SBF2: variants seen among roughly 807,000 people sequenced by gnomAD.
SBF2 encodes the protein SET binding factor 2, also known as myotubularin-related protein 13.
Under a neutral mutation model 225.2 loss-of-function variants are expected in SBF2, and 112 were observed. The ratio of observed to expected loss-of-function variants is 0.50; its 90% CI spans 0.43 to 0.58. The LOEUF (loss-of-function observed/expected upper bound fraction) is 0.58. Ranked by LOEUF, SBF2 falls within the 20% of genes least tolerant of loss-of-function variation. The pLI is 0.00. For missense variants in SBF2, 1,996 were observed against 2,206.2 expected (o/e 0.90, Z 1.91); for synonymous variants, 763 against 773.3 (o/e 0.99, Z 0.22).
intron 39 of SBF2, 126 bp downstream of exon 39, chr11:9,781,381 C>A: frequency 7.9e-7 from 1 of 1,263,254 alleles, no homozygotes; most frequent in Non-Finnish European, 1.1e-6. Context: ...GAACAATTCC[C>A]ATAGCCAAGG....
At chr11:10,082,342 A>T (rs2134871761) in intron 2 of SBF2, among the ~76,000 whole-genome samples, 1 of 152,202 alleles carries the variant, frequency 6.6e-6, no homozygotes, top group East Asian at 1.9e-4. Flanking sequence ...TGTTCAAAAA[A>T]TTAATGTGGA....
At chr11:9,902,951 T>C (rs1399353523) in intron 16 of SBF2, among the ~76,000 whole-genome samples, 2 of 93,194 alleles carry the variant, frequency 2.1e-5, no homozygotes, top group Non-Finnish European at 2.2e-5. Context: ...AATGGAATAA[T>C]AGGAAAATAA....
At chr11:9,897,053 G>A (rs1207963512) in intron 16 of SBF2, among the ~76,000 whole-genome samples, 1 of 152,106 alleles carries the variant, frequency 6.6e-6, no homozygotes, top group Non-Finnish European at 1.5e-5. Flanking sequence ...ACTCAAACAG[G>A]TTTTTGTATA....
intron 12 of SBF2, among the ~76,000 whole-genome samples, chr11:9,991,262 A>T (rs1423120545): frequency 6.6e-6 from 1 of 152,226 alleles, no homozygotes; most frequent in Non-Finnish European, 1.5e-5. Flanking sequence ...ATGTTTCCTA[A>T]ATCTTCATAT....
chr11:9,989,705 T>C, intron 12 of SBF2, 110 bp from the exon 13 acceptor site: 1 of 678,268 alleles, frequency 1.5e-6, no homozygotes, highest in Non-Finnish European at 2.5e-6. Flanking sequence ...ATATACATTA[T>C]TTTTAAAACA....
intron 17 of SBF2, among the ~76,000 whole-genome samples, chr11:9,874,696 C>G (rs7943244): frequency 0.62 from 94,373 of 152,028 alleles, 29,559 homozygotes; most frequent in African/African-American, 0.68. Flanking sequence ...CACTGAGGTA[C>G]TGCCTACACA....
chr11:10,178,877 A>C (rs1164567098), intron 2 of SBF2, among the ~76,000 whole-genome samples: 12 of 148,966 alleles, frequency 8.1e-5, no homozygotes, highest in Admixed American at 4.1e-4. Flanking sequence ...TCATGCTGCT[A>C]TAAAGACACA....
chr11:10,281,535 C>T (rs1048967824), intron 1 of SBF2, among the ~76,000 whole-genome samples: 1 of 152,118 alleles, frequency 6.6e-6, no homozygotes, highest in Non-Finnish European at 1.5e-5. Flanking sequence ...AGAAGAATCG[C>T]CATGGAGGAG....
rs1400339832 is a variant in SBF2 at position 10,042,995 on chromosome 11, A to C, written c.142-14T>G. 2 of 1,593,886 alleles carry C rather than the reference A, an allele frequency of 1.3e-6. No homozygotes were observed. The highest frequency in any genetic ancestry group is 2.7e-5 in the African/African-American group (2 of 73,430). ...AGGCTGACAAAACTAAATGAAATAG[A>C]AAAAAAAATGTAACATTTAAAAACA... On this transcript the variant is annotated splice_polypyrimidine_tract_variant and intron_variant, in intron 2 of 39. Transcript: ENST00000256190.
At chr11:10,085,396 T>C (rs764889209) in intron 2 of SBF2, among the ~76,000 whole-genome samples, 2 of 152,164 alleles carry the variant, frequency 1.3e-5, no homozygotes, top group Non-Finnish European at 2.9e-5. Flanking sequence ...ATCAGGACTA[T>C]CCGGAATTTT....
chr11:10,121,921 A>G (rs576645163), intron 2 of SBF2, among the ~76,000 whole-genome samples: 1 of 152,222 alleles, frequency 6.6e-6, no homozygotes, highest in African/African-American at 2.4e-5. Flanking sequence ...CCCACCTGTT[A>G]CTCACTTAGT....
chr11:10,271,793 AG>A (rs1746753302), intron 1 of SBF2, among the ~76,000 whole-genome samples: 1 of 111,878 alleles, frequency 8.9e-6, no homozygotes, highest in Non-Finnish European at 2.1e-5. Context: ...TTTGGTGGTA[AG>A]GTTTTTGTTT....
intron 12 of SBF2, among the ~76,000 whole-genome samples, chr11:9,991,355 C>T (rs1043801108): frequency 7.9e-5 from 12 of 152,244 alleles, no homozygotes; most frequent in Non-Finnish European, 1.6e-4. Context: ...TTTAAAAATT[C>T]TTACCTGTGA....
intron 2 of SBF2, among the ~76,000 whole-genome samples, chr11:10,048,226 A>G (rs16907433): frequency 0.025 from 3,744 of 152,102 alleles, 160 homozygotes; most frequent in African/African-American, 0.085. Context: ...TCTCTCAACA[A>G]CCCATCTATA....
At chr11:9,859,338 A>G (rs1857545361) in intron 17 of SBF2, among the ~76,000 whole-genome samples, 1 of 152,198 alleles carries the variant, frequency 6.6e-6, no homozygotes, top group African/African-American at 2.4e-5. Context: ...CTCTGAAAAA[A>G]ACTTGTATAA....
chr11:9,967,992 A>T (rs35736532), intron 14 of SBF2, among the ~76,000 whole-genome samples: 18,752 of 127,682 alleles, frequency 0.15, 2,055 homozygotes, highest in Non-Finnish European at 0.22. Flanking sequence ...TATATATATA[A>T]AATATATATA....
intron 17 of SBF2, among the ~76,000 whole-genome samples, chr11:9,875,502 T>C (rs934874803): frequency 2.0e-5 from 3 of 152,236 alleles, no homozygotes; most frequent in Admixed American, 6.5e-5. Context: ...TGAGGATACC[T>C]TTACCTAATT....
At chr11:9,876,606 AAGAAAGCCGTTCCC>A (rs1859262750) in intron 17 of SBF2, among the ~76,000 whole-genome samples, 1 of 152,228 alleles carries the variant, frequency 6.6e-6, no homozygotes, top group Non-Finnish European at 1.5e-5. Flanking sequence ...GCAACCCAGA[AAGAAAGCCGTTCCC>A]AGAAAGTGAA....
intron 13 of SBF2, among the ~76,000 whole-genome samples, chr11:9,983,782 C>A (rs1328209996): frequency 2.0e-5 from 3 of 152,182 alleles, no homozygotes; most frequent in Non-Finnish European, 4.4e-5. Flanking sequence ...TCAGTACCAG[C>A]CTGGAGCCAG....
Sources: gnomAD v4.1 joint callset for allele counts (sites outside exome capture counted in the v4.1 genomes callset) on GRCh38, gnomAD v4.1.1 for gene constraint, MANE v1.5 for transcripts, NCBI Gene and HGNC (gene_info 2026-07-23, HGNC 2026-07-21) for gene names.